The following FIBP variants were observed in gnomAD, a reference collection of about 807,000 sequenced individuals.
FIBP encodes acidic fibroblast growth factor intracellular-binding protein.
FIBP carries 29 observed loss-of-function variants against 40.5 expected under a neutral mutation model. That is an observed-to-expected ratio of 0.72 (90% CI 0.53 to 0.98). The LOEUF (loss-of-function observed/expected upper bound fraction) is 0.98, where lower values mean the gene tolerates loss of function less well. Ranked by LOEUF, FIBP falls within the 50% of genes least tolerant of loss-of-function variation. The pLI, the probability that FIBP is intolerant of heterozygous loss-of-function variation, is 0.00. For missense variants in FIBP, 411 were observed against 470.2 expected, an observed-to-expected ratio of 0.87 and a Z score of 1.16; for synonymous variants, 215 against 191.1, an observed-to-expected ratio of 1.13 and a Z score of -1.03.
In FIBP at chr11:65,886,309, G is replaced by C. The variant is rs1485358967; in HGVS notation, c.512+13C>G. The C allele has an allele frequency of 6.3e-7, 1 of 1,588,160 alleles. No individual in the cohort carries two copies. Among genetic ancestry groups the C allele is most frequent in the East Asian group, 2.2e-5 (1 of 44,780 alleles). ...AAGTAGTGTGCGGGATGGGGAGGTG[G>C]CTAGCTCCTCACCTGGCCAACCGGT... On this transcript the variant is annotated intron_variant, in intron 4 of 9. Transcript: ENST00000357519.
Position 65,884,473 on chromosome 11 carries a change from C to T in FIBP, c.923G>A (p.Arg308His), listed in dbSNP as rs749768356. Reference protein sequence around the residue: ...DLVEKFVEPCRSDHWPLSDVR... With the variant: ...DLVEKFVEPCHSDHWPLSDVR... Reference sequence around the variant, plus strand: ...GTCGCTGAGTGGCCAGTGGTCGGAGCGGCAGGGTTCCACAAACTGCGGGCC... The same window carrying T: ...GTCGCTGAGTGGCCAGTGGTCGGAGTGGCAGGGTTCCACAAACTGCGGGCC... Residue 308 changes from arginine to histidine, a missense_variant, in exon 9 of 10, where the codon CGC (arginine) becomes CAC (histidine). Coordinates refer to ENST00000357519, the MANE Select transcript of FIBP (RefSeq NM_004214.5). The T allele has an allele frequency of 6.2e-6, 10 of 1,614,160 alleles. No individual in the cohort carries two copies. The highest frequency in any genetic ancestry group is 5.5e-5 in the South Asian group (5 of 91,082).
chr11:65,885,477 C>A, intron 5 of FIBP, 53 bp downstream of exon 5: 1 of 1,584,962 alleles, frequency 6.3e-7, no homozygotes, highest in Non-Finnish European at 8.6e-7. Flanking sequence ...GGTGGGGAAT[C>A]AGGTCCTGAG....
intron 3 of FIBP, chr11:65,886,926 C>T (rs1445652847): frequency 5.9e-6 from 1 of 170,676 alleles, no homozygotes; most frequent in Non-Finnish European, 1.3e-5. Flanking sequence ...AGAACAGTAC[C>T]CTCCAGGTAG....
At chr11:65,886,583 T>G (rs1404640434) in intron 3 of FIBP, 161 bp from the exon 4 acceptor site, 1 of 582,218 alleles carries the variant, frequency 1.7e-6, no homozygotes, top group Non-Finnish European at 3.1e-6. Flanking sequence ...TATTAGTTAT[T>G]AGTACTTGTT....
rs1028545902 is a variant in FIBP, at chr11:65,885,204, G to C, written c.647-18C>G. The C allele has an allele frequency of 4.3e-6, 6 of 1,398,906 alleles. No individual in the cohort carries two copies. The African/African-American group carries it at 8.5e-5, about 20-fold the overall frequency. The allele number at this position is 1,398,906 out of a possible 1,614,324, so 86.7% of individuals were successfully genotyped here. A position where few individuals can be genotyped will look rare whatever the true frequency, so the allele number is the denominator to read the frequency against. On this transcript the variant is annotated intron_variant, in intron 5 of 9. Transcript: ENST00000357519. Reference sequence around the variant, plus strand: ...CTGTGAGTCTGTGAGGCCATGAAGGGGGTGGGGGTGGGTGATAAAAACCCC... The same window carrying C: ...CTGTGAGTCTGTGAGGCCATGAAGGCGGTGGGGGTGGGTGATAAAAACCCC...
Position 65,888,458 on chromosome 11 carries a change from C to T in FIBP, c.-40G>A. 6.7e-7 allele frequency: 1 copy of T among 1,489,714 alleles called. No homozygotes were observed. The allele number at this position is 1,489,714 out of a possible 1,614,324, so 92.3% of individuals were successfully genotyped here. Reference sequence around the variant, plus strand: ...CCGCAGCGCCCCGAGCAGGAGCGAGCACTGCTCGGGACTGGCGCGCCGCCT... The same window carrying T: ...CCGCAGCGCCCCGAGCAGGAGCGAGTACTGCTCGGGACTGGCGCGCCGCCT... On this transcript the variant is annotated 5_prime_UTR_variant, in exon 1 of 10. Transcript: ENST00000357519.
chr11:65,883,974 TCA>T lies in FIBP; in HGVS notation c.1072_1073del (p.Ter358ArgfsTer10), dbSNP rs777435079. The stretch of plus-strand genomic sequence containing the variant: ...CGTGGGCGGAGCGTTGGGAGGCACC[TCA>T]GTCATGATACAGGCGCAGGAGGCAG... ...RGCLLRLYHD* is the reference protein window; with the variant it reads ...RGCLLRLYHDX On this transcript the variant is annotated frameshift_variant and stop_lost, in exon 10 of 10. Transcript: ENST00000357519. LOFTEE classifies it high-confidence loss of function. 2 of 1,613,660 alleles carry T rather than the reference TCA, an allele frequency of 1.2e-6. No individual in the cohort carries two copies. Among genetic ancestry groups the T allele is most frequent in the Admixed American group, 3.3e-5 (2 of 59,970 alleles).
chr11:65,885,585 A>C lies in FIBP; in HGVS notation c.591T>G (p.Gly197=), dbSNP rs1268013367. 1 of 1,614,164 alleles carries C rather than the reference A, an allele frequency of 6.2e-7. No individual in the cohort carries two copies. Among genetic ancestry groups the C allele is most frequent in the Admixed American group, 1.7e-5 (1 of 60,018 alleles). Residue 197 remains glycine, a synonymous_variant, in exon 5 of 10, where the codon GGT becomes GGG. Transcript: ENST00000357519. The part of the protein sequence containing the change: ...GKKKLQYLSF[G]DFAFCAELMI... The stretch of plus-strand genomic sequence containing the variant: ...TGAGCTCAGCGCAGAAGGCAAAGTC[A>C]CCGAAGCTCAGATACTGCAGTTTTT...
intron 3 of FIBP, 153 bp downstream of exon 3, chr11:65,887,446 GA>G (rs35947009): frequency 0.11 from 64,707 of 594,748 alleles, no homozygotes; most frequent in South Asian, 0.13. Flanking sequence ...ACTCCATCTC[GA>G]AAAAAAAAAA....
In FIBP at chr11:65,883,887, G is replaced by GC; in HGVS notation, c.*86dup. 6.0e-6 allele frequency: 7 copies of GC among 1,170,038 alleles called. No individual in the cohort carries two copies. The highest frequency in any genetic ancestry group is 2.4e-5 in the East Asian group (1 of 41,580). 72.5% of individuals were successfully genotyped at this position (1,170,038 alleles called of 1,614,324 possible). A position where few individuals can be genotyped will look rare whatever the true frequency, so the allele number is the denominator to read the frequency against. ...GAGACAGACACAGGCACATCTGCAC[G>GC]CCCCCCACTTGCTCCCCGGAGCGAG... On this transcript the variant is annotated 3_prime_UTR_variant, in exon 10 of 10. Coordinates refer to ENST00000357519, the MANE Select transcript of FIBP (RefSeq NM_004214.5).
chr11:65,886,336 AGAGAGGAGG>A lies in FIBP; in HGVS notation c.489_497del (p.Leu164_Ser166del), dbSNP rs752757683. 8.7e-6 allele frequency: 14 copies of A among 1,613,170 alleles called. No homozygotes were observed. Among genetic ancestry groups the A allele is most frequent in the Non-Finnish European group, 5.1e-6 (6 of 1,179,338 alleles). On this transcript the variant is annotated inframe_deletion, in exon 4 of 10. Transcript: ENST00000357519. The stretch of plus-strand genomic sequence containing the variant: ...TAGCTCCTCACCTGGCCAACCGGTC[AGAGAGGAGG>A]AAGTGTTGCTGAATATTGTCCACCA...
rs766583455 is a variant in FIBP at position 65,885,198 on chromosome 11, T to C, written c.647-12A>G. 1.2e-5 allele frequency: 13 copies of C among 1,111,712 alleles called. No homozygotes were observed. The highest frequency in any genetic ancestry group is 2.1e-4 in the Middle Eastern group (1 of 4,760). 68.9% of individuals were successfully genotyped at this position (1,111,712 alleles called of 1,614,324 possible). A position where few individuals can be genotyped will look rare whatever the true frequency, so the allele number is the denominator to read the frequency against. On this transcript the variant is annotated splice_polypyrimidine_tract_variant and intron_variant, in intron 5 of 9. Coordinates refer to ENST00000357519, the MANE Select transcript of FIBP (RefSeq NM_004214.5). ...ATCCATCTGTGAGTCTGTGAGGCCA[T>C]GAAGGGGGTGGGGGTGGGTGATAAA...
rs950476875 is a variant in FIBP, at chr11:65,885,281, G to A, written c.647-95C>T. ...ACCCACCACCTTATTTCCCCCCTGG[G>A]GACAAAAGAGGAAATGGAGTGTCAG... is the stretch of plus-strand genomic sequence containing the variant. On this transcript the variant is annotated intron_variant, in intron 5 of 9. Coordinates refer to ENST00000357519, the MANE Select transcript of FIBP (RefSeq NM_004214.5). The A allele has an allele frequency of 8.3e-6, 9 of 1,081,578 alleles. No individual in the cohort carries two copies. In the Admixed American group the frequency reaches 9.1e-5, roughly 11 times the overall value. The allele number at this position is 1,081,578 out of a possible 1,614,324, so 67.0% of individuals were successfully genotyped here.
In FIBP at chr11:65,885,576, G is replaced by A; in HGVS notation, c.600C>T (p.Ala200=). 1 of 1,614,226 alleles carries A rather than the reference G, an allele frequency of 6.2e-7. No individual in the cohort carries two copies. The highest frequency in any genetic ancestry group is 1.1e-5 in the South Asian group (1 of 91,090). The change falls in exon 5 of 10, where the codon GCC becomes GCT. Residue 200 remains alanine, a synonymous_variant. Transcript: ENST00000357519. ...KLQYLSFGDF[A]FCAELMIQNW... is the part of the protein sequence containing the mutation. ...TTTGGATCATGAGCTCAGCGCAGAA[G>A]GCAAAGTCACCGAAGCTCAGATACT... is the stretch of plus-strand genomic sequence containing the variant.
chr11:65,884,818 G>A, intron 7 of FIBP, 117 bp downstream of exon 7: 1 of 1,381,540 alleles, frequency 7.2e-7, no homozygotes, highest in Non-Finnish European at 1.0e-6. Flanking sequence ...GCGGCCACCA[G>A]AGGGAGCAGC....
chr11:65,886,305 G>C lies in FIBP; in HGVS notation c.512+17C>G. 1 of 1,573,090 alleles carries C rather than the reference G, an allele frequency of 6.4e-7. No individual in the cohort carries two copies. Among genetic ancestry groups the C allele is most frequent in the Non-Finnish European group, 8.7e-7 (1 of 1,143,274 alleles). ...CAGGAAGTAGTGTGCGGGATGGGGA[G>C]GTGGCTAGCTCCTCACCTGGCCAAC... On this transcript the variant is annotated intron_variant, in intron 4 of 9. Transcript: ENST00000357519.
intron 4 of FIBP, 64 bp from the exon 5 acceptor site, chr11:65,885,727 C>G: frequency 2.6e-6 from 4 of 1,512,034 alleles, no homozygotes; most frequent in Non-Finnish European, 3.6e-6. Flanking sequence ...CAGCTCCCAC[C>G]TGCAACCTCA....
chr11:65,884,470 G>A lies in FIBP; in HGVS notation c.926C>T (p.Ser309Phe), dbSNP rs1252713184. Residue 309 changes from serine to phenylalanine, a missense_variant, in exon 9 of 10, where the codon TCC becomes TTC. Coordinates refer to ENST00000357519, the MANE Select transcript of FIBP (RefSeq NM_004214.5). ...LVEKFVEPCR[S>F]DHWPLSDVRF... ...CACGTCGCTGAGTGGCCAGTGGTCG[G>A]AGCGGCAGGGTTCCACAAACTGCGG... The A allele has an allele frequency of 2.5e-5, 40 of 1,614,038 alleles. No homozygotes were observed. The highest frequency in any genetic ancestry group is 3.3e-5 in the Non-Finnish European group (39 of 1,180,030).
rs747188141 is a variant in FIBP at position 65,884,493 on chromosome 11, C to T, written c.907-4G>A. Reference sequence around the variant, plus strand: ...CGGAGCGGCAGGGTTCCACAAACTGCGGGCCCAAGAGAATACTTAGCACTT... The same window carrying T: ...CGGAGCGGCAGGGTTCCACAAACTGTGGGCCCAAGAGAATACTTAGCACTT... On this transcript the variant is annotated splice_region_variant and splice_polypyrimidine_tract_variant and intron_variant, in intron 8 of 9. Coordinates refer to ENST00000357519, the MANE Select transcript of FIBP (RefSeq NM_004214.5). 46 of 1,613,978 alleles carry T rather than the reference C, an allele frequency of 2.9e-5. No individual in the cohort carries two copies. The highest frequency in any genetic ancestry group is 3.8e-5 in the Non-Finnish European group (45 of 1,180,006).
Sources: gnomAD v4.1 joint callset for allele counts on GRCh38, gnomAD v4.1.1 for gene constraint, MANE v1.5 for transcripts, NCBI Gene and HGNC (gene_info 2026-07-23, HGNC 2026-07-21) for gene names.